MARK3: variants seen among roughly 807,000 people sequenced by gnomAD.
The protein encoded by MARK3 is microtubule affinity regulating kinase 3.
In MARK3, 46 loss-of-function variants were observed where a neutral mutation model predicts 90.1. That is an observed-to-expected ratio of 0.51 (90% CI 0.40 to 0.65). MARK3 has a LOEUF of 0.65. MARK3 is among the 30% of genes least tolerant of loss of function. The pLI is 0.00. For synonymous variants in MARK3, 321 were observed against 332.6 expected (o/e 0.97, Z 0.38); for missense variants, 818 against 947.2 (o/e 0.86, Z 1.79).
At chr14:103,411,622 T>C (rs1298004054) in intron 2 of MARK3, among the ~76,000 whole-genome samples, 4 of 146,996 alleles carry the variant, frequency 2.7e-5, no homozygotes, top group Non-Finnish European at 5.9e-5. Flanking sequence ...CTTTTTTTTT[T>C]CTCTCTCTCT....
chr14:103,407,921 T>A (rs1000966743), intron 2 of MARK3, among the ~76,000 whole-genome samples: 4 of 152,152 alleles, frequency 2.6e-5, no homozygotes, highest in African/African-American at 9.7e-5. Context: ...GAAATACTCT[T>A]TACTCTTCTG....
intron 4 of MARK3, among the ~76,000 whole-genome samples, 196 bp from the exon 5 acceptor site, chr14:103,451,722 G>A (rs529349849): frequency 6.6e-6 from 1 of 152,282 alleles, no homozygotes; most frequent in South Asian, 2.1e-4. Context: ...TATTTTTATG[G>A]AATTCCATGC....
At chr14:103,496,174 G>GCCT (rs1256039313) in intron 15 of MARK3, among the ~76,000 whole-genome samples, 10 of 152,350 alleles carry the variant, frequency 6.6e-5, no homozygotes, top group South Asian at 4.1e-4. Flanking sequence ...CAGTGTGAAG[G>GCCT]CCTCCTCCTG....
intron 1 of MARK3, among the ~76,000 whole-genome samples, chr14:103,400,789 G>A (rs2090906196): frequency 6.6e-6 from 1 of 151,690 alleles, no homozygotes; most frequent in Admixed American, 6.6e-5. Context: ...CAGCTACTAA[G>A]GAGGCTGAGG....
intron 3 of MARK3, among the ~76,000 whole-genome samples, chr14:103,432,178 T>C (rs1373342156): frequency 6.6e-6 from 1 of 152,198 alleles, no homozygotes; most frequent in African/African-American, 2.4e-5. Flanking sequence ...TCATCCAAGT[T>C]GATACTGCTG....
At chr14:103,442,944 C>T (rs77491082) in intron 3 of MARK3, among the ~76,000 whole-genome samples, 28 of 77,348 alleles carry the variant, frequency 3.6e-4, no homozygotes, top group Admixed American at 2.6e-3. Context: ...GGTGGGTGTC[C>T]CCCCCCCTCC....
chr14:103,476,801 T>C (rs2093722784), intron 13 of MARK3, among the ~76,000 whole-genome samples: 1 of 152,166 alleles, frequency 6.6e-6, no homozygotes, highest in African/African-American at 2.4e-5. Context: ...GGGCTTTGCA[T>C]GTTTCATCCT....
intron 12 of MARK3, among the ~76,000 whole-genome samples, chr14:103,471,342 G>A (rs1454251427): frequency 1.3e-5 from 2 of 152,066 alleles, no homozygotes; most frequent in Non-Finnish European, 2.9e-5. Context: ...TTTAGACATG[G>A]TATTGTACAC....
chr14:103,456,749 G>A (rs1880369301), intron 5 of MARK3, among the ~76,000 whole-genome samples: 1 of 152,194 alleles, frequency 6.6e-6, no homozygotes, highest in African/African-American at 2.4e-5. Flanking sequence ...GGAAATATTT[G>A]TTGAATGAAT....
chr14:103,408,201 G>A (rs1023637800), intron 2 of MARK3, among the ~76,000 whole-genome samples: 6 of 151,934 alleles, frequency 3.9e-5, no homozygotes, highest in Admixed American at 6.6e-5. Context: ...GGGGGAGGTG[G>A]TGTTGGCAAC....
intron 1 of MARK3, among the ~76,000 whole-genome samples, chr14:103,403,752 T>C (rs1288195960): frequency 1.3e-5 from 2 of 152,248 alleles, no homozygotes; most frequent in African/African-American, 2.4e-5. Flanking sequence ...AAAGCTTTAT[T>C]ATCATTTTAG....
At chr14:103,450,888 GT>G (rs2093123442) in intron 4 of MARK3, among the ~76,000 whole-genome samples, 1 of 21,196 alleles carries the variant, frequency 4.7e-5, no homozygotes, top group Non-Finnish European at 1.1e-4. Context: ...GTGTGTGTGT[GT>G]GTGTGTGTGT....
At chr14:103,431,281 G>A (rs1304345315) in intron 3 of MARK3, among the ~76,000 whole-genome samples, 1 of 151,984 alleles carries the variant, frequency 6.6e-6, no homozygotes, top group Admixed American at 6.6e-5. Flanking sequence ...TAGTACAGAT[G>A]GGGGATTTGC....
At chr14:103,452,665 G>A (rs186327770) in intron 5 of MARK3, among the ~76,000 whole-genome samples, 4 of 151,268 alleles carry the variant, frequency 2.6e-5, no homozygotes, top group African/African-American at 9.7e-5. Context: ...TAGAGACGGG[G>A]TTTCACCGTG....
chr14:103,393,635 A>G lies in MARK3; in HGVS notation c.51+7555A>G, dbSNP rs181273383. Among the ~76,000 whole-genome samples, 21 of 152,376 alleles carry G rather than the reference A, an allele frequency of 1.4e-4. No individual in the cohort carries two copies. The East Asian group carries it at 3.9e-3, about 28-fold the overall frequency. On this transcript the variant is annotated intron_variant, in intron 1 of 17. Transcript: ENST00000429436. Reference sequence around the variant, plus strand: ...TTAAGTTATGTAGCTCATGATATATACATTGTATAACTATTTAGACTTACA... The same window carrying G: ...TTAAGTTATGTAGCTCATGATATATGCATTGTATAACTATTTAGACTTACA...
intron 3 of MARK3, among the ~76,000 whole-genome samples, chr14:103,438,380 C>T (rs1273912036): frequency 6.6e-6 from 1 of 152,158 alleles, no homozygotes; most frequent in Non-Finnish European, 1.5e-5. Context: ...TTCACTCATC[C>T]AGTGAATAAG....
chr14:103,473,458 C>A (rs2093664020), intron 12 of MARK3, among the ~76,000 whole-genome samples: 1 of 152,132 alleles, frequency 6.6e-6, no homozygotes, highest in South Asian at 2.1e-4. Context: ...AGCTGGAAAG[C>A]CAATCAGTAG....
chr14:103,435,864 G>T (rs1013800507), intron 3 of MARK3, among the ~76,000 whole-genome samples: 1 of 151,676 alleles, frequency 6.6e-6, no homozygotes, highest in Non-Finnish European at 1.5e-5. Flanking sequence ...GACTATAGGC[G>T]CGCACCACCA....
In MARK3 at chr14:103,500,315, T is replaced by C. The variant is rs533785602; in HGVS notation, c.1916+115T>C. 7.7e-6 allele frequency: 6 copies of C among 780,194 alleles called. No homozygotes were observed. The East Asian group carries it at 1.7e-4, about 22-fold the overall frequency. 48.3% of individuals were successfully genotyped at this position (780,194 alleles called of 1,614,324 possible). On this transcript the variant is annotated intron_variant, in intron 17 of 17. Coordinates refer to ENST00000429436, the MANE Select transcript of MARK3 (RefSeq NM_001128918.3). ...GTATTCCTGCTGTCTCTGTAGGAGT[T>C]ACGTAGAGAGGGTGGCCACAAGGGG...
Sources: allele counts gnomAD v4.1 joint callset (sites outside exome capture counted in the v4.1 genomes callset), GRCh38; gene constraint gnomAD v4.1.1; transcripts MANE v1.5; gene names NCBI Gene and HGNC (gene_info 2026-07-23, HGNC 2026-07-21).